The following TEK variants were observed in gnomAD, a reference collection of about 807,000 sequenced individuals.
TEK encodes angiopoietin-1 receptor.
Under a neutral mutation model 131.8 loss-of-function variants are expected in TEK, and 43 were observed. The ratio of observed to expected loss-of-function variants is 0.33; its 90% CI spans 0.26 to 0.42. TEK has a LOEUF of 0.42. Ranked by LOEUF, TEK falls within the 10% of genes least tolerant of loss-of-function variation. The pLI, the probability that TEK is intolerant of heterozygous loss-of-function variation, is 1.00. For missense variants in TEK, 1,162 were observed against 1,384.4 expected (o/e 0.84, Z 2.55); for synonymous variants, 580 against 491.6 (o/e 1.18, Z -2.38).
intron 18 of TEK, among the ~76,000 whole-genome samples, chr9:27,215,471 T>C (rs1480833303): frequency 6.6e-6 from 1 of 152,060 alleles, no homozygotes; most frequent in Non-Finnish European, 1.5e-5. Flanking sequence ...CTTCAAAGCA[T>C]CTGCATTTTT....
chr9:27,218,742 G>A, intron 19 of TEK, 35 bp from the exon 20 acceptor site: 2 of 1,613,388 alleles, frequency 1.2e-6, no homozygotes, highest in Admixed American at 1.7e-5. Flanking sequence ...GACTCTGTTT[G>A]CTGATTGTTG....
intron 6 of TEK, among the ~76,000 whole-genome samples, chr9:27,176,269 T>A (rs113865415): frequency 1.3e-5 from 2 of 152,136 alleles, no homozygotes; most frequent in African/African-American, 4.8e-5. Context: ...ATAATAGAAA[T>A]TTTTGAAGCA....
intron 11 of TEK, chr9:27,195,787 G>A (rs752261946): frequency 4.7e-6 from 2 of 427,738 alleles, no homozygotes; most frequent in Non-Finnish European, 9.3e-6. Flanking sequence ...TCCTGAGTCT[G>A]GAAGATGGAT....
At chr9:27,138,991 C>T (rs1024954089) in intron 1 of TEK, among the ~76,000 whole-genome samples, 9 of 151,840 alleles carry the variant, frequency 5.9e-5, no homozygotes, top group African/African-American at 1.5e-4. Flanking sequence ...GGGTGGATCA[C>T]GAGGTCAGGA....
intron 1 of TEK, among the ~76,000 whole-genome samples, chr9:27,134,525 C>G (rs544060906): frequency 6.6e-6 from 1 of 152,324 alleles, no homozygotes. Flanking sequence ...TAGTTTCTAT[C>G]TCTTTTATGA....
intron 1 of TEK, among the ~76,000 whole-genome samples, chr9:27,116,298 T>C (rs1391944203): frequency 1.3e-5 from 2 of 152,128 alleles, no homozygotes; most frequent in Non-Finnish European, 2.9e-5. Context: ...AAAGGAAGTT[T>C]TTTTTTTTGA....
At chr9:27,128,595 C>G (rs1322450056) in intron 1 of TEK, among the ~76,000 whole-genome samples, 3 of 152,164 alleles carry the variant, frequency 2.0e-5, no homozygotes, top group African/African-American at 7.2e-5. Flanking sequence ...GATACCGATT[C>G]TTCCTATCCA....
intron 14 of TEK, among the ~76,000 whole-genome samples, chr9:27,205,745 A>T (rs771877748): frequency 6.6e-6 from 1 of 152,124 alleles, no homozygotes; most frequent in Non-Finnish European, 1.5e-5. Context: ...AAATGTATCT[A>T]GTTTGTGGGT....
At chr9:27,224,080 C>A (rs994049518) in intron 21 of TEK, among the ~76,000 whole-genome samples, 1 of 152,080 alleles carries the variant, frequency 6.6e-6, no homozygotes, top group African/African-American at 2.4e-5. Context: ...GAATCCCAGT[C>A]GAAGACCAGT....
Position 27,218,797 on chromosome 9 carries a change from T to A in TEK, c.3083T>A (p.Leu1028Gln). The A allele has an allele frequency of 6.2e-7, 1 of 1,614,080 alleles. No homozygotes were observed. Among genetic ancestry groups the A allele is most frequent in the Non-Finnish European group, 8.5e-7 (1 of 1,179,968 alleles). The change falls in exon 20 of 23, where the codon CTA becomes CAA. Residue 1028 changes from leucine to glutamine, a missense_variant. Coordinates refer to ENST00000380036, the MANE Select transcript of TEK (RefSeq NM_000459.5). The stretch of plus-strand genomic sequence containing the variant: ...TGCAGATGGTCCTATGGTGTGTTAC[T>A]ATGGGAGATTGTTAGCTTAGGTGAG... ...NSDVWSYGVL[L>Q]WEIVSLGGTP...
At chr9:27,208,099 A>T (rs1177110938) in intron 15 of TEK, among the ~76,000 whole-genome samples, 1 of 152,160 alleles carries the variant, frequency 6.6e-6, no homozygotes, top group East Asian at 1.9e-4. Flanking sequence ...ACCAGGGCAG[A>T]TAAATCCTGC....
chr9:27,147,427 AGTT>A (rs1378106621), intron 1 of TEK, among the ~76,000 whole-genome samples: 1 of 151,726 alleles, frequency 6.6e-6, no homozygotes, highest in Non-Finnish European at 1.5e-5. Context: ...AAAAAAATTG[AGTT>A]GTTTTCTTAC....
intron 21 of TEK, among the ~76,000 whole-genome samples, chr9:27,221,649 CCAGCAGACCTT>C (rs1346919156): frequency 2.0e-5 from 3 of 152,134 alleles, no homozygotes; most frequent in Admixed American, 2.0e-4. Flanking sequence ...CCAGCCAACT[CCAGCAGACCTT>C]CAGCACAGGG....
At chr9:27,206,987 AT>A (rs1306654655) in intron 15 of TEK, among the ~76,000 whole-genome samples, 195 bp downstream of exon 15, 2 of 152,266 alleles carry the variant, frequency 1.3e-5, no homozygotes, top group Non-Finnish European at 2.9e-5. Context: ...GGCAGGAGCC[AT>A]TTAAACATCA....
chr9:27,192,717 GAGTGGGT>G, intron 11 of TEK, 94 bp downstream of exon 11: 2 of 500,812 alleles, frequency 4.0e-6, no homozygotes, highest in Admixed American at 2.4e-5. Context: ...GGTGGTGGGT[GAGTGGGT>G]GGGTGGGGAT....
chr9:27,116,409 C>G (rs1267591677), intron 1 of TEK, among the ~76,000 whole-genome samples: 3 of 152,126 alleles, frequency 2.0e-5, no homozygotes, highest in African/African-American at 7.2e-5. Flanking sequence ...CCACCTCAGC[C>G]TCCTGAATAA....
At chr9:27,180,095 CT>C in intron 6 of TEK, 144 bp from the exon 7 acceptor site, 1 of 1,197,894 alleles carries the variant, frequency 8.3e-7, no homozygotes, top group Non-Finnish European at 1.2e-6. Flanking sequence ...TTTTAAGTTC[CT>C]GGTAATTCAG....
At position 27,212,718 on chromosome 9, in the gene TEK, C is replaced by T. The variant is rs1587026477; in HGVS notation, c.2698C>T (p.Leu900=). ...TTCCTTCCCTCCAGGCTACTTGTAC[C>T]TGGCCATTGAGTACGCGCCCCATGG... ...GACEHRGYLY[L]AIEYAPHGNL... Residue 900 remains leucine, a synonymous_variant, in exon 17 of 23, where the codon CTG becomes TTG. Transcript: ENST00000380036. 6.2e-7 allele frequency: 1 copy of T among 1,614,098 alleles called. No homozygotes were observed. Among genetic ancestry groups the T allele is most frequent in the East Asian group, 2.2e-5 (1 of 44,854 alleles).
chr9:27,116,118 A>G (rs962456942), intron 1 of TEK, among the ~76,000 whole-genome samples: 1 of 152,180 alleles, frequency 6.6e-6, no homozygotes, highest in Non-Finnish European at 1.5e-5. Flanking sequence ...GTGAAACTGC[A>G]GGAGTTAGTG....
Sources: gnomAD v4.1 joint callset for allele counts (sites outside exome capture counted in the v4.1 genomes callset) on GRCh38, gnomAD v4.1.1 for gene constraint, MANE v1.5 for transcripts, NCBI Gene and HGNC (gene_info 2026-07-23, HGNC 2026-07-21) for gene names.